Variants in MLLT3 observed in about 807,000 individuals in gnomAD.
The protein encoded by MLLT3 is protein AF-9.
A neutral mutation model predicts 53.2 loss-of-function variants in MLLT3; 4 were observed. That is an observed-to-expected ratio of 0.08 (90% CI 0.04 to 0.17). The LOEUF (loss-of-function observed/expected upper bound fraction) is 0.17. Among genes scored for constraint, MLLT3 ranks in the 10% least tolerant of loss-of-function variants. The pLI is 1.00. For missense variants in MLLT3, 569 were observed against 684.0 expected, an observed-to-expected ratio of 0.83 and a Z score of 1.87; for synonymous variants, 283 against 230.6, an observed-to-expected ratio of 1.23 and a Z score of -2.06.
intron 2 of MLLT3, among the ~76,000 whole-genome samples, chr9:20,539,583 G>A (rs1275768611): frequency 2.0e-5 from 3 of 152,070 alleles, no homozygotes; most frequent in Non-Finnish European, 2.9e-5. Flanking sequence ...TGTGAGAACT[G>A]ACTCACTATC....
intron 2 of MLLT3, among the ~76,000 whole-genome samples, chr9:20,605,193 A>G (rs558700093): frequency 1.2e-3 from 183 of 152,172 alleles, no homozygotes; most frequent in African/African-American, 4.3e-3. Context: ...AACAAACTCA[A>G]TTCCTCAAGG....
At position 20,566,930 on chromosome 9, in the gene MLLT3, C is replaced by A. The variant is rs977439202; in HGVS notation, c.193+53724G>T. ...AAAATAATAATAATACTCAAAGCAA[C>A]TGACCAAAGAGGGAGATCCATTAGG... On this transcript the variant is annotated intron_variant, in intron 2 of 10. Transcript: ENST00000380338. 2.0e-5 allele frequency among the ~76,000 whole-genome samples: 3 copies of A among 152,064 alleles called. No homozygotes were observed. The South Asian group carries it at 6.2e-4, about 32-fold the overall frequency.
At chr9:20,441,081 C>T (rs1340312022) in intron 4 of MLLT3, among the ~76,000 whole-genome samples, 1 of 152,158 alleles carries the variant, frequency 6.6e-6, no homozygotes, top group Non-Finnish European at 1.5e-5. Context: ...CCTCTCTCCT[C>T]TGTTTTTCTT....
chr9:20,488,454 C>T (rs940688573), intron 2 of MLLT3, among the ~76,000 whole-genome samples: 40 of 151,884 alleles, frequency 2.6e-4, no homozygotes, highest in Non-Finnish European at 7.4e-5. Context: ...AATGTGTACT[C>T]GTAGAAAAAG....
intron 2 of MLLT3, among the ~76,000 whole-genome samples, chr9:20,533,835 C>T (rs1818406791): frequency 6.6e-6 from 1 of 152,120 alleles, no homozygotes; most frequent in South Asian, 2.1e-4. Context: ...CAGGTAGAAC[C>T]TAAAAACGCT....
intron 2 of MLLT3, among the ~76,000 whole-genome samples, chr9:20,501,681 G>T (rs1276773835): frequency 6.6e-6 from 1 of 150,892 alleles, no homozygotes; most frequent in Non-Finnish European, 1.5e-5. Context: ...AACCCGGGAA[G>T]CGGAGCTTGC....
At chr9:20,509,708 A>T (rs570017019) in intron 2 of MLLT3, among the ~76,000 whole-genome samples, 15 of 152,322 alleles carry the variant, frequency 9.8e-5, no homozygotes, top group African/African-American at 3.6e-4. Flanking sequence ...TCTTTCACTA[A>T]CAAACGAAAT....
intron 2 of MLLT3, among the ~76,000 whole-genome samples, chr9:20,576,236 G>A (rs1261916223): frequency 6.6e-6 from 1 of 152,168 alleles, no homozygotes; most frequent in Non-Finnish European, 1.5e-5. Flanking sequence ...TTAGGCTTTG[G>A]CTTAAGAGAA....
chr9:20,393,562 A>T (rs1476814708), intron 5 of MLLT3, among the ~76,000 whole-genome samples: 1 of 152,238 alleles, frequency 6.6e-6, no homozygotes, highest in Non-Finnish European at 1.5e-5. Context: ...TGATATAATT[A>T]AATACAGGTC....
chr9:20,529,044 G>A (rs1818266358), intron 2 of MLLT3, among the ~76,000 whole-genome samples: 1 of 152,200 alleles, frequency 6.6e-6, no homozygotes, highest in South Asian at 2.1e-4. Context: ...TCTATTAGTA[G>A]TGAGAGCCTG....
chr9:20,571,945 G>A (rs929493246), intron 2 of MLLT3, among the ~76,000 whole-genome samples: 5 of 152,162 alleles, frequency 3.3e-5, no homozygotes, highest in African/African-American at 1.2e-4. Flanking sequence ...CATTAGTATA[G>A]CCATTTTGGA....
chr9:20,584,894 C>A (rs12004964), intron 2 of MLLT3, among the ~76,000 whole-genome samples: 3 of 152,182 alleles, frequency 2.0e-5, no homozygotes, highest in Non-Finnish European at 4.4e-5. Flanking sequence ...GATGCACCAG[C>A]TCCTCCATTT....
intron 2 of MLLT3, among the ~76,000 whole-genome samples, chr9:20,497,084 T>A (rs2118932252): frequency 6.6e-6 from 1 of 152,382 alleles, no homozygotes; most frequent in African/African-American, 2.4e-5. Context: ...TCAAAACGGT[T>A]TACTTGTTGG....
chr9:20,577,308 G>C (rs898528233), intron 2 of MLLT3, among the ~76,000 whole-genome samples: 1 of 152,150 alleles, frequency 6.6e-6, no homozygotes, highest in Non-Finnish European at 1.5e-5. Flanking sequence ...ACACTAACCT[G>C]ATATATTCAC....
chr9:20,569,791 T>C (rs902539336), intron 2 of MLLT3, among the ~76,000 whole-genome samples: 13 of 152,202 alleles, frequency 8.5e-5, no homozygotes, highest in Non-Finnish European at 5.9e-5. Flanking sequence ...CCCTGTTTAG[T>C]GGAGCTAACA....
At chr9:20,508,695 A>T (rs990288440) in intron 2 of MLLT3, among the ~76,000 whole-genome samples, 3 of 152,012 alleles carry the variant, frequency 2.0e-5, no homozygotes, top group South Asian at 4.2e-4. Flanking sequence ...ATAAATTCAT[A>T]AAAAAAAGTT....
At chr9:20,514,998 G>A (rs1282540446) in intron 2 of MLLT3, among the ~76,000 whole-genome samples, 1 of 144,456 alleles carries the variant, frequency 6.9e-6, no homozygotes, top group Non-Finnish European at 1.5e-5. Context: ...CCGGGCTGGA[G>A]TGCAGTGGCG....
chr9:20,526,086 T>C (rs569231378), intron 2 of MLLT3, among the ~76,000 whole-genome samples: 18 of 152,282 alleles, frequency 1.2e-4, no homozygotes, highest in African/African-American at 4.3e-4. Flanking sequence ...CATAAAATAC[T>C]AGGGTATAAA....
intron 4 of MLLT3, among the ~76,000 whole-genome samples, chr9:20,420,019 G>A (rs1443179047): frequency 6.6e-6 from 1 of 152,124 alleles, no homozygotes; most frequent in Admixed American, 6.5e-5. Context: ...AGAGGATTAG[G>A]GTGTCAAGGT....
Sources: allele counts gnomAD v4.1 joint callset (sites outside exome capture counted in the v4.1 genomes callset), GRCh38; gene constraint gnomAD v4.1.1; transcripts MANE v1.5; gene names NCBI Gene and HGNC (gene_info 2026-07-23, HGNC 2026-07-21).